The following TAMM41 variants were observed in gnomAD, a reference collection of about 807,000 sequenced individuals.
TAMM41 encodes the protein phosphatidate cytidylyltransferase, mitochondrial.
A neutral mutation model predicts 44.1 loss-of-function variants in TAMM41; 36 were observed. That is an observed-to-expected ratio of 0.82 (90% CI 0.63 to 1.08). The LOEUF (loss-of-function observed/expected upper bound fraction) is 1.08, where lower values mean the gene tolerates loss of function less well. TAMM41 is among the 50% of genes least tolerant of loss of function. The pLI is 0.00. For missense variants in TAMM41, 417 were observed against 404.3 expected, an observed-to-expected ratio of 1.03 and a Z score of -0.27; for synonymous variants, 164 against 153.1, an observed-to-expected ratio of 1.07 and a Z score of -0.53.
chr3:11,809,467 T>C lies in TAMM41; in HGVS notation c.874+50A>G, dbSNP rs993480513. 6.9e-6 allele frequency: 11 copies of C among 1,601,526 alleles called. No homozygotes were observed. In the African/African-American group the frequency reaches 9.4e-5, roughly 14 times the overall value. ...ATACATTCCAATCACAAACAAAGTC[T>C]GCTTTTCCCCATGGCTGGCATTTCC... On this transcript the variant is annotated intron_variant, in intron 6 of 7. Coordinates refer to ENST00000455809, the MANE Select transcript of TAMM41 (RefSeq NM_001284401.2).
chr3:11,754,230 C>A, the TAMM41 span, among the ~76,000 whole-genome samples: 1 of 152,134 alleles, frequency 6.6e-6, no homozygotes, highest in East Asian at 1.9e-4. Context: ...ATCTGTCAAT[C>A]TCCTCCACTC....
At chr3:11,814,764 A>G (rs1356184451) in intron 5 of TAMM41, among the ~76,000 whole-genome samples, 7 of 152,166 alleles carry the variant, frequency 4.6e-5, no homozygotes, top group African/African-American at 1.7e-4. Flanking sequence ...GGAGTTTGAG[A>G]CCAGCCTGGG....
chr3:11,733,609 C>T, the TAMM41 span, among the ~76,000 whole-genome samples: 11 of 152,020 alleles, frequency 7.2e-5, no homozygotes, highest in Non-Finnish European at 1.3e-4. Context: ...TCTCCTGCCT[C>T]AGCCTCCTGA....
At chr3:11,725,290 CT>C in the TAMM41 span, among the ~76,000 whole-genome samples, 1 of 105,122 alleles carries the variant, frequency 9.5e-6, no homozygotes, top group African/African-American at 3.1e-5. Flanking sequence ...CCTCCTTCTC[CT>C]TCTTCTCCTC....
At chr3:11,756,865 C>T in the TAMM41 span, among the ~76,000 whole-genome samples, 189 of 131,506 alleles carry the variant, frequency 1.4e-3, no homozygotes, top group African/African-American at 5.1e-3. Context: ...AATTCCGTCT[C>T]AAAAAAAAAA....
the TAMM41 span, among the ~76,000 whole-genome samples, chr3:11,776,124 C>T: frequency 6.6e-6 from 1 of 151,282 alleles, no homozygotes; most frequent in Non-Finnish European, 1.5e-5. Context: ...TGCCATTCTC[C>T]TGCCTCAGCC....
chr3:11,843,788 G>A (rs914593035), intron 2 of TAMM41: 50 of 488,834 alleles, frequency 1.0e-4, no homozygotes, highest in Non-Finnish European at 1.5e-4. Flanking sequence ...CAGTTAATGG[G>A]ACATGAGGAA....
chr3:11,787,291 CT>C (rs2077423106), downstream of TAMM41, among the ~76,000 whole-genome samples: 1 of 152,138 alleles, frequency 6.6e-6, no homozygotes, highest in African/African-American at 2.4e-5. Flanking sequence ...AAAATGAATG[CT>C]ACTGCTAGGA....
At chr3:11,757,533 A>C in the TAMM41 span, among the ~76,000 whole-genome samples, 1 of 152,170 alleles carries the variant, frequency 6.6e-6, no homozygotes, top group Non-Finnish European at 1.5e-5. Context: ...GAGACCACAG[A>C]CAGCTCTTCC....
the TAMM41 span, among the ~76,000 whole-genome samples, chr3:11,781,779 A>AATCATC: frequency 6.9e-4 from 28 of 40,526 alleles, no homozygotes; most frequent in Non-Finnish European, 1.1e-3. Context: ...TAATAATAAT[A>AATCATC]ATCATACAAA....
the TAMM41 span, among the ~76,000 whole-genome samples, chr3:11,769,355 A>ATTT: frequency 7.5e-6 from 1 of 132,902 alleles, no homozygotes; most frequent in Admixed American, 7.7e-5. Context: ...CTCCCAAGAG[A>ATTT]TTTTTTTTTT....
chr3:11,735,151 G>C, the TAMM41 span, among the ~76,000 whole-genome samples: 1 of 151,990 alleles, frequency 6.6e-6, no homozygotes, highest in East Asian at 1.9e-4. Context: ...CTTGAGCCAG[G>C]AGTTCAAGAC....
chr3:11,780,896 T>G, the TAMM41 span, among the ~76,000 whole-genome samples: 1 of 152,054 alleles, frequency 6.6e-6, no homozygotes, highest in Non-Finnish European at 1.5e-5. Context: ...AGTGAATGAA[T>G]GAACTTCTGT....
the TAMM41 span, among the ~76,000 whole-genome samples, chr3:11,770,848 C>A: frequency 3.3e-5 from 5 of 152,172 alleles, no homozygotes; most frequent in African/African-American, 1.2e-4. Flanking sequence ...TTTCTAGGGT[C>A]CTCTTTTGTG....
intron 7 of TAMM41, among the ~76,000 whole-genome samples, chr3:11,799,040 C>T (rs2077680503): frequency 6.6e-6 from 1 of 152,148 alleles, no homozygotes; most frequent in Non-Finnish European, 1.5e-5. Context: ...CATAGTGGGA[C>T]TCCATCTCTA....
chr3:11,725,312 T>C, the TAMM41 span, among the ~76,000 whole-genome samples: 1 of 70,688 alleles, frequency 1.4e-5, no homozygotes, highest in African/African-American at 5.1e-5. Flanking sequence ...CTCCTTTTTT[T>C]CTTCTCCTCC....
At chr3:11,833,647 C>G (rs1464713982) in intron 3 of TAMM41, among the ~76,000 whole-genome samples, 1 of 152,150 alleles carries the variant, frequency 6.6e-6, no homozygotes, top group African/African-American at 2.4e-5. Flanking sequence ...CTTTGGCATA[C>G]ACAGAGAAGA....
rs1479291649 is a variant in TAMM41 at position 11,833,114 on chromosome 3, G to C, written c.412-3250C>G. 9 of 1,284,284 alleles carry C rather than the reference G, an allele frequency of 7.0e-6. No individual in the cohort carries two copies. In the South Asian group the frequency reaches 1.0e-4, roughly 14 times the overall value. 79.6% of individuals were successfully genotyped at this position (1,284,284 alleles called of 1,614,324 possible). ...AGCACTGTTATTTGTTGTTCAGAGT[G>C]AAAAGCCAGTGAACTCTTGGGACAC... On this transcript the variant is annotated intron_variant, in intron 3 of 7. Coordinates refer to ENST00000455809, the MANE Select transcript of TAMM41 (RefSeq NM_001284401.2).
the TAMM41 span, among the ~76,000 whole-genome samples, chr3:11,749,461 A>C: frequency 2.0e-5 from 3 of 152,240 alleles, no homozygotes; most frequent in African/African-American, 7.2e-5. Context: ...AGAGCCCTCG[A>C]ATTCTGTGCA....
Sources: gnomAD v4.1 joint callset for allele counts (sites outside exome capture counted in the v4.1 genomes callset) on GRCh38, gnomAD v4.1.1 for gene constraint, MANE v1.5 for transcripts, NCBI Gene and HGNC (gene_info 2026-07-23, HGNC 2026-07-21) for gene names.